ANKRD44: variants seen among roughly 807,000 people sequenced by gnomAD.
The protein encoded by ANKRD44 is serine/threonine-protein phosphatase 6 regulatory ankyrin repeat subunit B.
In ANKRD44, 35 loss-of-function variants were observed where a neutral mutation model predicts 116.0. The ratio of observed to expected loss-of-function variants is 0.30; its 90% CI spans 0.23 to 0.40. The LOEUF is 0.40. Ranked by LOEUF, ANKRD44 falls within the 10% of genes least tolerant of loss-of-function variation. ANKRD44 has a pLI of 1.00. For missense variants in ANKRD44, 1,014 were observed against 1,242.6 expected (o/e 0.82, Z 2.77); for synonymous variants, 435 against 461.8 (o/e 0.94, Z 0.74).
At chr2:196,991,641 TG>T (rs1392935360) in intron 27 of ANKRD44, among the ~76,000 whole-genome samples, 1 of 152,222 alleles carries the variant, frequency 6.6e-6, no homozygotes, top group East Asian at 1.9e-4. Flanking sequence ...TGTAGTGGCA[TG>T]GGGCCTTGAT....
At chr2:197,054,556 C>T (rs1010535337) in intron 16 of ANKRD44, among the ~76,000 whole-genome samples, 4 of 152,170 alleles carry the variant, frequency 2.6e-5, no homozygotes, top group African/African-American at 9.7e-5. Flanking sequence ...CCTGTACATA[C>T]CACTCAGCTA....
intron 12 of ANKRD44, among the ~76,000 whole-genome samples, 166 bp from the exon 13 acceptor site, chr2:197,086,914 G>T (rs1287125741): frequency 6.6e-6 from 1 of 152,126 alleles, no homozygotes; most frequent in African/African-American, 2.4e-5. Flanking sequence ...ATATTGTAAG[G>T]ATCTAAAGTT....
chr2:197,003,379 C>T (rs1445047639), intron 21 of ANKRD44, among the ~76,000 whole-genome samples: 1 of 152,102 alleles, frequency 6.6e-6, no homozygotes, highest in East Asian at 1.9e-4. Context: ...ATGGAACCGT[C>T]ATTGAAATAG....
intron 16 of ANKRD44, among the ~76,000 whole-genome samples, chr2:197,059,051 G>A (rs902024080): frequency 6.6e-6 from 1 of 152,110 alleles, no homozygotes. Context: ...GATATTCCCA[G>A]GCTACCCTGA....
At chr2:197,257,527 CA>C (rs1342676307) in intron 1 of ANKRD44, among the ~76,000 whole-genome samples, 1 of 151,962 alleles carries the variant, frequency 6.6e-6, no homozygotes, top group African/African-American at 2.4e-5. Context: ...TATTTTTGGA[CA>C]AATTTTTTAT....
chr2:197,266,595 T>C (rs2082748445), intron 1 of ANKRD44, among the ~76,000 whole-genome samples: 1 of 151,226 alleles, frequency 6.6e-6, no homozygotes. Flanking sequence ...GACTTGACCT[T>C]GGAAATGAGA....
chr2:197,240,112 C>T (rs769830539), intron 1 of ANKRD44, among the ~76,000 whole-genome samples: 2 of 152,054 alleles, frequency 1.3e-5, no homozygotes, highest in East Asian at 1.9e-4. Flanking sequence ...TGATGGCTCA[C>T]GCCTGTAATC....
chr2:197,206,652 T>C (rs1304584397), intron 1 of ANKRD44, among the ~76,000 whole-genome samples: 1 of 152,164 alleles, frequency 6.6e-6, no homozygotes, highest in East Asian at 1.9e-4. Context: ...GAGGCAGAGA[T>C]TGCAGTGAGC....
intron 1 of ANKRD44, among the ~76,000 whole-genome samples, chr2:197,190,321 G>C (rs2080793286): frequency 6.6e-6 from 1 of 152,160 alleles, no homozygotes; most frequent in Admixed American, 6.5e-5. Context: ...GACATCTCTA[G>C]CTCAACTGTG....
chr2:197,233,807 G>A (rs1270640068), intron 1 of ANKRD44, among the ~76,000 whole-genome samples: 2 of 152,220 alleles, frequency 1.3e-5, no homozygotes, highest in Non-Finnish European at 2.9e-5. Context: ...ACAAAGCTGG[G>A]ATGATGGAGG....
intron 1 of ANKRD44, among the ~76,000 whole-genome samples, chr2:197,230,218 C>A (rs1481138660): frequency 6.6e-6 from 1 of 152,120 alleles, no homozygotes; most frequent in Non-Finnish European, 1.5e-5. Flanking sequence ...GCACCATAAA[C>A]CACAGTCTTG....
intron 16 of ANKRD44, among the ~76,000 whole-genome samples, chr2:197,031,299 C>T (rs904110409): frequency 6.6e-6 from 1 of 151,660 alleles, no homozygotes; most frequent in Non-Finnish European, 1.5e-5. Flanking sequence ...TTTTTATTTT[C>T]TTCTTTATAT....
intron 1 of ANKRD44, among the ~76,000 whole-genome samples, chr2:197,216,787 G>A (rs1490692620): frequency 2.0e-5 from 3 of 151,498 alleles, no homozygotes; most frequent in Non-Finnish European, 2.9e-5. Flanking sequence ...AAGCATCAGC[G>A]TCCAGGAAGC....
intron 11 of ANKRD44, 140 bp downstream of exon 11, chr2:197,089,810 A>G: frequency 3.2e-6 from 2 of 629,588 alleles, no homozygotes; most frequent in Non-Finnish European, 5.6e-6. Context: ...ACATGCAGTT[A>G]GCTGAGAAAT....
At chr2:197,273,334 A>G (rs1305368372) in intron 1 of ANKRD44, among the ~76,000 whole-genome samples, 1 of 152,228 alleles carries the variant, frequency 6.6e-6, no homozygotes, top group Non-Finnish European at 1.5e-5. Flanking sequence ...ATCAAATTAA[A>G]TGAATAAGCA....
In ANKRD44 at chr2:197,215,665, GA is replaced by G. The variant is rs1374923140; in HGVS notation, c.28-28560del. ...TGTGTTCTTGATCGACCGAGTATCT[GA>G]AAAAAAACTATCTGGCTCTTTAAAT... On this transcript the variant is annotated intron_variant, in intron 1 of 27. Transcript: ENST00000282272. Among the ~76,000 whole-genome samples, 3 of 152,000 alleles carry G rather than the reference GA, an allele frequency of 2.0e-5. No homozygotes were observed. The East Asian group carries it at 5.8e-4, about 29-fold the overall frequency.
chr2:197,133,745 C>G (rs1270476701), intron 4 of ANKRD44, among the ~76,000 whole-genome samples: 2 of 152,058 alleles, frequency 1.3e-5, no homozygotes, highest in African/African-American at 2.4e-5. Context: ...CTCAAATCTA[C>G]TTTCTTTTCC....
intron 16 of ANKRD44, among the ~76,000 whole-genome samples, chr2:197,058,591 T>C (rs572343197): frequency 6.6e-6 from 1 of 152,294 alleles, no homozygotes; most frequent in African/African-American, 2.4e-5. Flanking sequence ...ACTGAAACAA[T>C]GTGAATGGTA....
chr2:197,113,603 GCTAT>G (rs1022353847), intron 8 of ANKRD44, among the ~76,000 whole-genome samples: 3 of 152,216 alleles, frequency 2.0e-5, no homozygotes, highest in African/African-American at 7.2e-5. Flanking sequence ...CTTGGTGGTA[GCTAT>G]CTAAGTTGCA....
Sources: gnomAD v4.1 joint callset for allele counts (sites outside exome capture counted in the v4.1 genomes callset) on GRCh38, gnomAD v4.1.1 for gene constraint, MANE v1.5 for transcripts, NCBI Gene and HGNC (gene_info 2026-07-23, HGNC 2026-07-21) for gene names.